COL24A1: variants seen among roughly 807,000 people sequenced by gnomAD.
The protein encoded by COL24A1 is collagen alpha-1(XXIV) chain.
COL24A1 carries 224 observed loss-of-function variants against 253.9 expected under a neutral mutation model. The observed-to-expected ratio is 0.88, with a 90% confidence interval of 0.79 to 0.99. The LOEUF (loss-of-function observed/expected upper bound fraction) is 0.99. Ranked by LOEUF, COL24A1 falls within the 50% of genes least tolerant of loss-of-function variation. COL24A1 has a pLI of 0.00. For synonymous variants in COL24A1, 685 were observed against 673.7 expected, an observed-to-expected ratio of 1.02 and a Z score of -0.26; for missense variants, 2,131 against 2,068.5, an observed-to-expected ratio of 1.03 and a Z score of -0.59.
At chr1:86,021,074 G>C (rs1697484740) in intron 18 of COL24A1, among the ~76,000 whole-genome samples, 1 of 152,108 alleles carries the variant, frequency 6.6e-6, no homozygotes, top group Admixed American at 6.6e-5. Flanking sequence ...ACAAAGAATG[G>C]GGTAAAGTTC....
At chr1:85,788,292 C>T (rs1191048974) in intron 47 of COL24A1, among the ~76,000 whole-genome samples, 6 of 152,040 alleles carry the variant, frequency 3.9e-5, no homozygotes, top group Non-Finnish European at 8.8e-5. Context: ...GTAGTTTCAC[C>T]GTGTTAGCCA....
At position 85,828,216 on chromosome 1, in the gene COL24A1, A is replaced by C. The variant is rs1480862080; in HGVS notation, c.3682-4478T>G. On this transcript the variant is annotated intron_variant, in intron 43 of 59. Transcript: ENST00000370571. ...TTCAGGAGCAGATTGTTCAGTTTCC[A>C]TGTAGTTGAGCAGTTTTGAGTGAGA... Among the ~76,000 whole-genome samples the C allele has an allele frequency of 2.0e-5, 3 of 151,864 alleles. No individual in the cohort carries two copies. In the Admixed American group the frequency reaches 2.0e-4, roughly 10 times the overall value.
chr1:86,108,706 C>T (rs1180994166), intron 5 of COL24A1, among the ~76,000 whole-genome samples: 3 of 150,304 alleles, frequency 2.0e-5, no homozygotes, highest in Non-Finnish European at 4.4e-5. Flanking sequence ...ACTCAGGAGG[C>T]TGCAGCAGGA....
intron 58 of COL24A1, among the ~76,000 whole-genome samples, chr1:85,735,908 G>GA (rs547323100): frequency 6.6e-6 from 1 of 151,482 alleles, no homozygotes; most frequent in Non-Finnish European, 1.5e-5. Flanking sequence ...ACAACAAAAA[G>GA]AAAAACAGAA....
At chr1:85,808,211 T>C (rs72950692) in intron 47 of COL24A1, among the ~76,000 whole-genome samples, 4,205 of 152,334 alleles carry the variant, frequency 0.028, 192 homozygotes, top group African/African-American at 0.094. Flanking sequence ...TTGTACATAT[T>C]ATTGCCATAA....
intron 55 of COL24A1, among the ~76,000 whole-genome samples, chr1:85,754,669 A>T (rs1206044617): frequency 6.6e-6 from 1 of 152,104 alleles, no homozygotes; most frequent in East Asian, 1.9e-4. Flanking sequence ...GAAGTTAAAA[A>T]GTACAATAGC....
At chr1:86,135,582 A>G (rs959976147) in intron 2 of COL24A1, among the ~76,000 whole-genome samples, 1 of 151,938 alleles carries the variant, frequency 6.6e-6, no homozygotes, top group African/African-American at 2.4e-5. Flanking sequence ...GTTTCCTACA[A>G]AGTATAACTT....
intron 32 of COL24A1, among the ~76,000 whole-genome samples, chr1:85,881,025 C>A (rs1681773929): frequency 6.6e-6 from 1 of 152,140 alleles, no homozygotes; most frequent in Non-Finnish European, 1.5e-5. Flanking sequence ...AGGTAATGCT[C>A]ACATAATGGC....
chr1:86,052,432 A>C (rs1700378445), intron 10 of COL24A1, among the ~76,000 whole-genome samples: 1 of 152,140 alleles, frequency 6.6e-6, no homozygotes, highest in South Asian at 2.1e-4. Context: ...AACTGCCACA[A>C]CATAGATGGA....
Position 86,115,348 on chromosome 1 carries a change from G to A in COL24A1, c.1522C>T (p.Pro508Ser). Residue 508 changes from proline to serine, a missense_variant, in exon 4 of 60, where the codon CCG becomes TCG. Physicochemically the swap from Pro to Ser is moderately conservative, Grantham distance 74. Transcript: ENST00000370571. Reference protein sequence around the residue: ...GPPGPAGIPGPSGKRGPRGIP... With the variant: ...GPPGPAGIPGSSGKRGPRGIP... ...ACCCGTGGACCTCTCTTCCCTGACG[G>A]ACCTGGGATACCTGCTGGACCAGGT... 1 of 1,613,938 alleles carries A rather than the reference G, an allele frequency of 6.2e-7. No homozygotes were observed. The highest frequency in any genetic ancestry group is 8.5e-7 in the Non-Finnish European group (1 of 1,179,904).
At chr1:85,841,109 G>T in intron 42 of COL24A1, 113 bp downstream of exon 42, 1 of 747,780 alleles carries the variant, frequency 1.3e-6, no homozygotes, top group Non-Finnish European at 2.2e-6. Context: ...ATCAAACCAT[G>T]TTATAAAACT....
At chr1:85,774,532 A>G (rs1198658640) in intron 53 of COL24A1, among the ~76,000 whole-genome samples, 1 of 152,172 alleles carries the variant, frequency 6.6e-6, no homozygotes, top group Non-Finnish European at 1.5e-5. Context: ...GCTATTAATT[A>G]TTGCCTCAAT....
intron 27 of COL24A1, among the ~76,000 whole-genome samples, chr1:85,907,655 T>A (rs1387373422): frequency 1.3e-5 from 2 of 151,832 alleles, no homozygotes; most frequent in Non-Finnish European, 3.0e-5. Flanking sequence ...TTTATGCCAA[T>A]CCCATCACAT....
At chr1:86,039,469 T>C (rs188322055) in intron 12 of COL24A1, among the ~76,000 whole-genome samples, 6 of 152,218 alleles carry the variant, frequency 3.9e-5, no homozygotes, top group African/African-American at 1.4e-4. Flanking sequence ...AAGATAACCA[T>C]AAAATGGTCA....
Position 86,126,158 on chromosome 1 carries a change from G to A in COL24A1, c.178C>T (p.Pro60Ser). Residue 60 changes from proline to serine, a missense_variant, in exon 3 of 60, where the codon CCA (proline) becomes TCA (serine). Pro to Ser is a moderately conservative substitution (Grantham distance 74, BLOSUM62 -1). Transcript: ENST00000370571. ...LGGKDVRHSSPATAVPSASTP... is the reference protein window; with the variant it reads ...LGGKDVRHSSSATAVPSASTP... ...GATGCTGATGGTACAGCAGTCGCTG[G>A]TGATGAGTGTCTTACGTCTTTGCCT... 2 of 1,607,060 alleles carry A rather than the reference G, an allele frequency of 1.2e-6. No homozygotes were observed. Among genetic ancestry groups the A allele is most frequent in the Non-Finnish European group, 1.7e-6 (2 of 1,179,220 alleles).
At chr1:85,887,475 CTT>C (rs201311165) in intron 32 of COL24A1, among the ~76,000 whole-genome samples, 2 of 143,886 alleles carry the variant, frequency 1.4e-5, no homozygotes, top group Non-Finnish European at 3.1e-5. Context: ...GGTCAGCAAA[CTT>C]TTTTTTTTTT....
At chr1:85,792,751 C>A (rs540832713) in intron 47 of COL24A1, among the ~76,000 whole-genome samples, 3 of 151,366 alleles carry the variant, frequency 2.0e-5, no homozygotes, top group East Asian at 3.9e-4. Flanking sequence ...AAACAAAAAA[C>A]GAAATGTGAT....
rs1693843962 is a variant in COL24A1 at position 85,987,662 on chromosome 1, A to T, written c.2311-8T>A. The T allele has an allele frequency of 6.2e-7, 1 of 1,604,810 alleles. No individual in the cohort carries two copies. On this transcript the variant is annotated splice_region_variant and splice_polypyrimidine_tract_variant and intron_variant, in intron 19 of 59. Coordinates refer to ENST00000370571, the MANE Select transcript of COL24A1 (RefSeq NM_152890.7). Reference sequence around the variant, plus strand: ...AATATCTCCTGGAAAACCCTAGGGAATATAAAAATGTAGCGTTTATTCCAT... The same window carrying T: ...AATATCTCCTGGAAAACCCTAGGGATTATAAAAATGTAGCGTTTATTCCAT...
At chr1:85,911,829 C>T (rs1048663366) in intron 24 of COL24A1, among the ~76,000 whole-genome samples, 1 of 151,992 alleles carries the variant, frequency 6.6e-6, no homozygotes, top group African/African-American at 2.4e-5. Flanking sequence ...AATACACAAG[C>T]GGACAGAACA....
Sources: gnomAD v4.1 joint callset for allele counts (sites outside exome capture counted in the v4.1 genomes callset) on GRCh38, gnomAD v4.1.1 for gene constraint, MANE v1.5 for transcripts, NCBI Gene and HGNC (gene_info 2026-07-23, HGNC 2026-07-21) for gene names.